The following KCNK10 variants were observed in gnomAD, a reference collection of about 807,000 sequenced individuals.
KCNK10 encodes potassium two pore domain channel subfamily K member 10.
Under a neutral mutation model 47.7 loss-of-function variants are expected in KCNK10, and 25 were observed. The observed-to-expected ratio is 0.52, with a 90% CI of 0.38 to 0.73. The LOEUF is 0.73. KCNK10 is among the 30% of genes least tolerant of loss of function. KCNK10 has a pLI of 0.00. For synonymous variants in KCNK10, 303 were observed against 285.6 expected, an observed-to-expected ratio of 1.06 and a Z score of -0.61; for missense variants, 563 against 714.5, an observed-to-expected ratio of 0.79 and a Z score of 2.42.
intron 1 of KCNK10, among the ~76,000 whole-genome samples, chr14:88,272,324 T>A (rs1887426744): frequency 6.6e-6 from 1 of 152,060 alleles, no homozygotes; most frequent in South Asian, 2.1e-4. Context: ...GATGCTGTGT[T>A]TGACAGAGGT....
chr14:88,304,135 G>A (rs940040925), intron 1 of KCNK10, among the ~76,000 whole-genome samples: 11 of 151,996 alleles, frequency 7.2e-5, no homozygotes, highest in African/African-American at 2.4e-4. Flanking sequence ...GGGCAACATA[G>A]GGAGGCCGTC....
intron 4 of KCNK10, among the ~76,000 whole-genome samples, chr14:88,197,961 C>T (rs184009993): frequency 7.0e-4 from 107 of 152,138 alleles, no homozygotes; most frequent in African/African-American, 2.5e-3. Flanking sequence ...AGATCTGAGC[C>T]TTTGTCTGAA....
intron 4 of KCNK10, among the ~76,000 whole-genome samples, chr14:88,220,844 A>G (rs144630074): frequency 6.6e-6 from 1 of 152,196 alleles, no homozygotes; most frequent in African/African-American, 2.4e-5. Flanking sequence ...CCATGAAAGA[A>G]ATAGTTGATA....
At position 88,227,446 on chromosome 14, in the gene KCNK10, A is replaced by G. The variant is rs1385725247; in HGVS notation, c.610T>C (p.Leu204=). 5 of 1,613,780 alleles carry G rather than the reference A, an allele frequency of 3.1e-6. No homozygotes were observed. Among genetic ancestry groups the G allele is most frequent in the Admixed American group, 3.3e-5 (2 of 59,928 alleles). The change falls in exon 4 of 7, where the codon TTG becomes CTG. Residue 204 remains leucine (L), a synonymous_variant. Transcript: ENST00000319231. ...IFGIPLFGFL[L]AGIGDQLGTI... is the part of the protein sequence containing the mutation. ...CCAAGTTGGTCTCCAATTCCAGCCA[A>G]TAAGAAACCAAAGAGTGGAATTCCA...
chr14:88,309,722 C>G (rs749818975), intron 1 of KCNK10, among the ~76,000 whole-genome samples: 1 of 151,940 alleles, frequency 6.6e-6, no homozygotes, highest in Non-Finnish European at 1.5e-5. Context: ...ATGCTTTGTC[C>G]TCTTTTTGCT....
chr14:88,249,997 A>G (rs1429759450), intron 2 of KCNK10, among the ~76,000 whole-genome samples: 1 of 152,220 alleles, frequency 6.6e-6, no homozygotes, highest in African/African-American at 2.4e-5. Flanking sequence ...GACACCATCA[A>G]AATCTCATTA....
intron 1 of KCNK10, among the ~76,000 whole-genome samples, chr14:88,273,668 G>C (rs1367948197): frequency 6.6e-6 from 1 of 152,112 alleles, no homozygotes; most frequent in Non-Finnish European, 1.5e-5. Flanking sequence ...TCTCCCAATA[G>C]ACTCTGACTC....
intron 2 of KCNK10, among the ~76,000 whole-genome samples, chr14:88,253,603 T>TA (rs574553407): frequency 4.0e-5 from 6 of 149,716 alleles, no homozygotes; most frequent in Non-Finnish European, 8.9e-5. Flanking sequence ...TGGAAAGGAT[T>TA]AAAAAAAAAA....
intron 1 of KCNK10, among the ~76,000 whole-genome samples, chr14:88,320,697 C>T (rs900039690): frequency 5.9e-5 from 9 of 152,180 alleles, no homozygotes; most frequent in South Asian, 2.1e-4. Flanking sequence ...CTCTCTACTC[C>T]GTCCGCTTCT....
intron 1 of KCNK10, among the ~76,000 whole-genome samples, chr14:88,304,753 T>G (rs1888173122): frequency 6.6e-6 from 1 of 152,220 alleles, no homozygotes; most frequent in South Asian, 2.1e-4. Flanking sequence ...AGGTGCCTTA[T>G]GGAGAAAATA....
upstream of KCNK10, chr14:88,326,572 C>G: frequency 1.3e-6 from 1 of 777,580 alleles, no homozygotes; most frequent in Non-Finnish European, 2.1e-6. Context: ...GTTCCTGCGG[C>G]AGGAAAACAA....
chr14:88,229,433 A>G (rs10129721), intron 3 of KCNK10, among the ~76,000 whole-genome samples: 43,711 of 151,810 alleles, frequency 0.29, 6,923 homozygotes, highest in East Asian at 0.47. Context: ...AAATGCAGGG[A>G]GAAAAAAATC....
In KCNK10 at chr14:88,306,551, A is replaced by G. The variant is rs147142717; in HGVS notation, c.52+16196T>C. On this transcript the variant is annotated intron_variant, in intron 1 of 6. Transcript: ENST00000319231. ...CCCTGATGATCAAGTGAAGACACAC[A>G]TCCCTGCCCAAGAGCCTGCTGGTAC... Among the ~76,000 whole-genome samples the G allele has an allele frequency of 1.1e-3, 172 of 152,248 alleles. 2 individuals are homozygous for G. The East Asian group carries it at 0.032, about 28-fold the overall frequency.
intron 2 of KCNK10, among the ~76,000 whole-genome samples, chr14:88,246,606 AC>A (rs1886650219): frequency 6.6e-6 from 1 of 152,232 alleles, no homozygotes; most frequent in Non-Finnish European, 1.5e-5. Flanking sequence ...ATTTCAAACA[AC>A]CATGGGAGGG....
chr14:88,295,384 T>C (rs1418022919), intron 1 of KCNK10, among the ~76,000 whole-genome samples: 2 of 152,176 alleles, frequency 1.3e-5, no homozygotes, highest in Non-Finnish European at 2.9e-5. Context: ...TAAATTTCCT[T>C]GAGATGGTGG....
At chr14:88,221,416 C>T (rs573431584) in intron 4 of KCNK10, among the ~76,000 whole-genome samples, 1 of 152,098 alleles carries the variant, frequency 6.6e-6, no homozygotes, top group African/African-American at 2.4e-5. Flanking sequence ...AGACACTTCA[C>T]CAAAGAAGAT....
chr14:88,251,912 GTCCTACTAAATCAGTTCTC>G (rs1886810074), intron 2 of KCNK10, among the ~76,000 whole-genome samples: 1 of 152,084 alleles, frequency 6.6e-6, no homozygotes, highest in African/African-American at 2.4e-5. Flanking sequence ...TGGAATCTTT[GTCCTACTAAATCAGTTCTC>G]CTATTTGGGT....
chr14:88,181,391 T>A lies in KCNK10; in HGVS notation c.*4144A>T, dbSNP rs944759950. The A allele has an allele frequency of 9.3e-6, 1 of 107,712 alleles. No individual in the cohort carries two copies. The highest frequency in any genetic ancestry group is 5.3e-5 in the African/African-American group (1 of 19,028). 6.7% of individuals were successfully genotyped at this position (107,712 alleles called of 1,614,324 possible). A position where few individuals can be genotyped will look rare whatever the true frequency, so the allele number is the denominator to read the frequency against. On this transcript the variant is annotated 3_prime_UTR_variant, in exon 7 of 7. Transcript: ENST00000319231. ...AACCCAAAGCAGCCATTTCCTCAGG[T>A]GTGTGTGTGTGTGTGTATGTGTGCG...
intron 4 of KCNK10, among the ~76,000 whole-genome samples, chr14:88,216,704 T>C (rs1390937276): frequency 6.6e-6 from 1 of 152,206 alleles, no homozygotes; most frequent in Non-Finnish European, 1.5e-5. Flanking sequence ...GCCCTATCAT[T>C]AAAGCTACAG....
Sources: allele counts gnomAD v4.1 joint callset (sites outside exome capture counted in the v4.1 genomes callset), GRCh38; gene constraint gnomAD v4.1.1; transcripts MANE v1.5; gene names NCBI Gene and HGNC (gene_info 2026-07-23, HGNC 2026-07-21).